The following IMMP2L variants were observed in gnomAD, a reference collection of about 807,000 sequenced individuals.
The protein encoded by IMMP2L is mitochondrial inner membrane protease subunit 2.
In IMMP2L, 18 loss-of-function variants were observed where a neutral mutation model predicts 19.3. The observed-to-expected ratio is 0.93, with a 90% CI of 0.64 to 1.38. The LOEUF is 1.38. Ranked by LOEUF, IMMP2L falls within the 40% of genes most tolerant of loss-of-function variation. The pLI, the probability that IMMP2L is intolerant of heterozygous loss-of-function variation, is 0.00. For missense variants in IMMP2L, 233 were observed against 218.2 expected (o/e 1.07, Z -0.43); for synonymous variants, 76 against 73.0 (o/e 1.04, Z -0.21).
intron 3 of IMMP2L, among the ~76,000 whole-genome samples, chr7:111,253,536 T>G (rs1816373247): frequency 6.6e-6 from 1 of 152,138 alleles, no homozygotes; most frequent in Non-Finnish European, 1.5e-5. Context: ...CTGTGAAGAC[T>G]GCCAGAAAAT....
In IMMP2L at chr7:110,842,254, T is replaced by C. The variant is rs193283384; in HGVS notation, c.408+44339A>G. On this transcript the variant is annotated intron_variant, in intron 5 of 5. Transcript: ENST00000405709. Reference sequence around the variant, plus strand: ...TATTTCAATAATTTATTTTTGTTTATTTGTCTGAAATAGCAAATCATGAAA... The same window carrying C: ...TATTTCAATAATTTATTTTTGTTTACTTGTCTGAAATAGCAAATCATGAAA... Among the ~76,000 whole-genome samples the C allele has an allele frequency of 2.5e-3, 388 of 152,336 alleles. 2 individuals carry two copies. Among genetic ancestry groups the C allele is most frequent in the African/African-American group, 8.7e-3 (361 of 41,586 alleles).
chr7:111,233,711 C>T (rs1813968336), intron 3 of IMMP2L, among the ~76,000 whole-genome samples: 1 of 151,866 alleles, frequency 6.6e-6, no homozygotes, highest in Admixed American at 6.6e-5. Context: ...TATTTAGTGC[C>T]AGCACTTACA....
At chr7:111,350,523 CAGAT>C (rs1175076482) in intron 3 of IMMP2L, among the ~76,000 whole-genome samples, 1 of 151,954 alleles carries the variant, frequency 6.6e-6, no homozygotes, top group African/African-American at 2.4e-5. Context: ...ATTCCTTCCT[CAGAT>C]AGGGGGGTCT....
chr7:111,071,013 A>G (rs1794905047), intron 3 of IMMP2L, among the ~76,000 whole-genome samples: 1 of 152,128 alleles, frequency 6.6e-6, no homozygotes, highest in South Asian at 2.1e-4. Context: ...AACTTATATA[A>G]ATCAATAACA....
intron 3 of IMMP2L, among the ~76,000 whole-genome samples, chr7:111,140,709 C>G (rs1375743308): frequency 6.6e-6 from 1 of 152,132 alleles, no homozygotes; most frequent in Non-Finnish European, 1.5e-5. Flanking sequence ...GAAAATATTT[C>G]CATCTGCCCC....
intron 3 of IMMP2L, among the ~76,000 whole-genome samples, chr7:111,331,091 G>T (rs1390415020): frequency 6.6e-6 from 1 of 151,868 alleles, no homozygotes; most frequent in African/African-American, 2.4e-5. Flanking sequence ...TTACCTAAAA[G>T]ATTTGAAATC....
At chr7:111,467,358 T>G (rs1840771894) in intron 3 of IMMP2L, among the ~76,000 whole-genome samples, 1 of 152,216 alleles carries the variant, frequency 6.6e-6, no homozygotes, top group Non-Finnish European at 1.5e-5. Context: ...AATTTCCAAT[T>G]CTATATACAG....
At chr7:111,478,714 C>T (rs1437850452) in intron 3 of IMMP2L, among the ~76,000 whole-genome samples, 1 of 152,132 alleles carries the variant, frequency 6.6e-6, no homozygotes, top group Non-Finnish European at 1.5e-5. Flanking sequence ...ACATGACTCA[C>T]CACACCTGGC....
At chr7:111,278,583 C>A (rs961962500) in intron 3 of IMMP2L, among the ~76,000 whole-genome samples, 1 of 152,114 alleles carries the variant, frequency 6.6e-6, no homozygotes, top group African/African-American at 2.4e-5. Context: ...GTTGCACACC[C>A]CAGTTGTGAA....
chr7:110,663,305 T>C lies in IMMP2L; in HGVS notation c.*297A>G, dbSNP rs1251008934. 8 of 237,510 alleles carry C rather than the reference T, an allele frequency of 3.4e-5. No homozygotes were observed. Among genetic ancestry groups the C allele is most frequent in the Non-Finnish European group, 6.6e-5 (8 of 122,026 alleles). The allele number at this position is 237,510 out of a possible 1,614,324, so 14.7% of individuals were successfully genotyped here. A position where few individuals can be genotyped will look rare whatever the true frequency, so the allele number is the denominator to read the frequency against. ...TAATAAGTATATGTAACAAATAATC[T>C]GAAATTCAGCCCCATTAAGACATGT... On this transcript the variant is annotated 3_prime_UTR_variant, in exon 6 of 6. Coordinates refer to ENST00000405709, the MANE Select transcript of IMMP2L (RefSeq NM_032549.4).
intron 5 of IMMP2L, among the ~76,000 whole-genome samples, chr7:110,867,782 G>T (rs940692197): frequency 6.6e-6 from 1 of 151,930 alleles, no homozygotes; most frequent in African/African-American, 2.4e-5. Flanking sequence ...CAGTAGGGGA[G>T]CCTCAAGCTC....
Position 110,863,752 on chromosome 7 carries a change from A to G in IMMP2L, c.408+22841T>C, listed in dbSNP as rs146550326. Among the ~76,000 whole-genome samples the G allele has an allele frequency of 7.0e-4, 107 of 152,246 alleles. 2 individuals are homozygous for G. Among genetic ancestry groups the G allele is most frequent in the African/African-American group, 2.5e-3 (105 of 41,576 alleles). On this transcript the variant is annotated intron_variant, in intron 5 of 5. Coordinates refer to ENST00000405709, the MANE Select transcript of IMMP2L (RefSeq NM_032549.4). ...ACTTAAATATTAAGTGCTAAGTTCA[A>G]TGTTTGGTAGGTTAGGTATTTTGAA...
intron 3 of IMMP2L, among the ~76,000 whole-genome samples, chr7:111,284,253 T>G (rs955184412): frequency 6.6e-6 from 1 of 152,136 alleles, no homozygotes; most frequent in South Asian, 2.1e-4. Flanking sequence ...TGTTCTTTTG[T>G]TTGCAAATTC....
chr7:110,737,766 C>T (rs1414984979), intron 5 of IMMP2L, among the ~76,000 whole-genome samples: 2 of 152,220 alleles, frequency 1.3e-5, no homozygotes, highest in Non-Finnish European at 2.9e-5. Flanking sequence ...AACCAGCGCA[C>T]TAAACAAAAA....
intron 4 of IMMP2L, among the ~76,000 whole-genome samples, chr7:110,953,442 G>A (rs1006847548): frequency 6.6e-6 from 1 of 151,854 alleles, no homozygotes; most frequent in Non-Finnish European, 1.5e-5. Flanking sequence ...TCTTGTGTTA[G>A]TTTGCTGAGA....
At chr7:111,199,698 A>G (rs1014143128) in intron 3 of IMMP2L, among the ~76,000 whole-genome samples, 1 of 152,086 alleles carries the variant, frequency 6.6e-6, no homozygotes, top group African/African-American at 2.4e-5. Flanking sequence ...AGCAGTAAAT[A>G]ATTTACTATC....
At chr7:111,286,233 T>C (rs1709882479) in intron 3 of IMMP2L, among the ~76,000 whole-genome samples, 1 of 152,132 alleles carries the variant, frequency 6.6e-6, no homozygotes. Context: ...AGTTAGAAGA[T>C]TCTCAGCAAC....
chr7:111,131,566 G>C (rs1358588358), intron 3 of IMMP2L, among the ~76,000 whole-genome samples: 3 of 151,874 alleles, frequency 2.0e-5, no homozygotes, highest in Non-Finnish European at 2.9e-5. Flanking sequence ...CTAAAGAAGA[G>C]GTGTGGGAAA....
chr7:110,965,304 T>C (rs1396156104), intron 3 of IMMP2L, among the ~76,000 whole-genome samples: 3 of 152,046 alleles, frequency 2.0e-5, no homozygotes, highest in Non-Finnish European at 4.4e-5. Flanking sequence ...AATGTAAATG[T>C]GCAAAAACTG....
Sources: gnomAD v4.1 joint callset for allele counts (sites outside exome capture counted in the v4.1 genomes callset) on GRCh38, gnomAD v4.1.1 for gene constraint, MANE v1.5 for transcripts, NCBI Gene and HGNC (gene_info 2026-07-23, HGNC 2026-07-21) for gene names.